Variants in ABLIM1 observed in about 807,000 individuals in gnomAD.
ABLIM1 encodes the protein actin-binding LIM protein 1.
In ABLIM1, 40 loss-of-function variants were observed where a neutral mutation model predicts 107.0. The observed-to-expected ratio is 0.37, with a 90% CI of 0.29 to 0.49. The LOEUF (loss-of-function observed/expected upper bound fraction) is 0.49, where lower values mean the gene tolerates loss of function less well. ABLIM1 is among the 20% of genes least tolerant of loss of function. ABLIM1 has a pLI of 0.97. For missense variants in ABLIM1, 857 were observed against 1,008.5 expected (o/e 0.85, Z 2.04); for synonymous variants, 357 against 357.3 (o/e 1.00, Z 0.01).
intron 9 of ABLIM1, 68 bp downstream of exon 9, chr10:114,473,811 C>A: frequency 4.1e-6 from 5 of 1,219,422 alleles, no homozygotes; most frequent in South Asian, 1.4e-5. Context: ...TTTGGATTAC[C>A]CATTCTGCTA....
chr10:114,463,205 G>A, intron 12 of ABLIM1: 1 of 1,216,948 alleles, frequency 8.2e-7, no homozygotes, highest in African/African-American at 1.6e-5. Context: ...GGTGGAAACA[G>A]AAAAGAAGAA....
rs114483906 is a variant in ABLIM1, at chr10:114,562,225, A to T, written c.673+9072T>A. Among the ~76,000 whole-genome samples, 983 of 152,126 alleles carry T rather than the reference A, an allele frequency of 6.5e-3. 14 individuals are homozygous for T. Among genetic ancestry groups the T allele is most frequent in the African/African-American group, 0.023 (940 of 41,516 alleles). On this transcript the variant is annotated intron_variant, in intron 4 of 22. Transcript: ENST00000533213. The stretch of plus-strand genomic sequence containing the variant: ...AGGAGATCCATTCCCTGACACCTCT[A>T]CCTCTTCTTAAAAACATGTTTTGGC...
At chr10:114,714,122 T>G (rs964753596) in intron 1 of ABLIM1, among the ~76,000 whole-genome samples, 5 of 152,226 alleles carry the variant, frequency 3.3e-5, no homozygotes, top group African/African-American at 9.6e-5. Context: ...GAAGTGGCCC[T>G]TCTATGTTGT....
At chr10:114,736,184 T>C (rs149929122) in intron 1 of ABLIM1, among the ~76,000 whole-genome samples, 8 of 152,294 alleles carry the variant, frequency 5.3e-5, no homozygotes, top group African/African-American at 1.9e-4. Context: ...CCAGAAGGCA[T>C]TGGTTTTGAA....
At chr10:114,463,104 G>C (rs2064294926) in intron 12 of ABLIM1, 1 of 1,331,262 alleles carries the variant, frequency 7.5e-7, no homozygotes, top group Non-Finnish European at 1.0e-6. Flanking sequence ...GTCGCTGTGG[G>C]TGGGGCTGAG....
At chr10:114,638,622 TACACACACACACACACACAC>T (rs59605861) in intron 1 of ABLIM1, among the ~76,000 whole-genome samples, 2,218 of 143,840 alleles carry the variant, frequency 0.015, 52 homozygotes, top group African/African-American at 0.054. Flanking sequence ...ATGCCCTGCC[TACACACACACACACACACAC>T]ACACACACAC....
chr10:114,736,134 T>C (rs775716106), intron 1 of ABLIM1, among the ~76,000 whole-genome samples: 59 of 152,198 alleles, frequency 3.9e-4, no homozygotes, highest in Non-Finnish European at 2.9e-4. Flanking sequence ...GTGATGTTTT[T>C]CTAGAATCAT....
intron 1 of ABLIM1, chr10:114,610,698 A>T (rs1238336105): frequency 6.6e-6 from 1 of 152,220 alleles, no homozygotes; most frequent in Non-Finnish European, 1.5e-5. Flanking sequence ...CCCAGTCATT[A>T]GTTGTCCAAA....
At chr10:114,577,170 G>A (rs531252228) in intron 2 of ABLIM1, among the ~76,000 whole-genome samples, 2 of 152,278 alleles carry the variant, frequency 1.3e-5, no homozygotes, top group East Asian at 3.9e-4. Flanking sequence ...AGGTATTTGA[G>A]GGGTGAGAGT....
chr10:114,665,593 G>A (rs1301679547), intron 1 of ABLIM1, among the ~76,000 whole-genome samples: 1 of 152,192 alleles, frequency 6.6e-6, no homozygotes, highest in Non-Finnish European at 1.5e-5. Flanking sequence ...CAGGCACAAA[G>A]CAAGCCTTTA....
At chr10:114,530,903 G>A (rs1031298191) in intron 6 of ABLIM1, among the ~76,000 whole-genome samples, 1 of 152,102 alleles carries the variant, frequency 6.6e-6, no homozygotes, top group East Asian at 1.9e-4. Flanking sequence ...TAACATTTTT[G>A]GTTAAAGGAC....
At chr10:114,801,185 G>A in the ABLIM1 span, among the ~76,000 whole-genome samples, 11 of 152,108 alleles carry the variant, frequency 7.2e-5, no homozygotes, top group East Asian at 1.7e-3. Flanking sequence ...AAGCTGAGGC[G>A]GGAGGATCAC....
At chr10:114,494,551 AAACAAC>A (rs573252074) in intron 6 of ABLIM1, among the ~76,000 whole-genome samples, 6 of 152,034 alleles carry the variant, frequency 3.9e-5, no homozygotes, top group East Asian at 1.9e-4. Flanking sequence ...AAACCAAACC[AAACAAC>A]AACAACAACA....
chr10:114,607,501 T>A (rs2076503980), intron 1 of ABLIM1, among the ~76,000 whole-genome samples: 1 of 152,150 alleles, frequency 6.6e-6, no homozygotes, highest in Non-Finnish European at 1.5e-5. Flanking sequence ...AAAAAATGAC[T>A]AACTTTACAA....
At chr10:114,746,088 T>TAAGGTG (rs2082379128) in intron 1 of ABLIM1, among the ~76,000 whole-genome samples, 2 of 152,186 alleles carry the variant, frequency 1.3e-5, no homozygotes, top group African/African-American at 4.8e-5. Context: ...ATCACCTCAA[T>TAAGGTG]ATTTAACTTG....
chr10:114,719,569 C>T (rs1185323241), intron 1 of ABLIM1, among the ~76,000 whole-genome samples: 1 of 152,228 alleles, frequency 6.6e-6, no homozygotes, highest in African/African-American at 2.4e-5. Flanking sequence ...GTCAGGCATA[C>T]ACTATACAGT....
At chr10:114,453,147 C>T (rs1232957233) in intron 13 of ABLIM1, among the ~76,000 whole-genome samples, 6 of 152,180 alleles carry the variant, frequency 3.9e-5, no homozygotes, top group Non-Finnish European at 8.8e-5. Flanking sequence ...ACTGCTTTTA[C>T]CCATCACCCA....
At chr10:114,524,305 C>CAGT (rs1289934630) in intron 6 of ABLIM1, among the ~76,000 whole-genome samples, 2 of 152,088 alleles carry the variant, frequency 1.3e-5, no homozygotes, top group African/African-American at 4.8e-5. Flanking sequence ...AGCAAACAAG[C>CAGT]AGTAGCATTA....
At chr10:114,764,586 T>A (rs1288138462) in intron 1 of ABLIM1, among the ~76,000 whole-genome samples, 1 of 151,586 alleles carries the variant, frequency 6.6e-6, no homozygotes, top group Non-Finnish European at 1.5e-5. Flanking sequence ...AAGTGATCCA[T>A]CCGCCTCAGC....
Sources: gnomAD v4.1 joint callset for allele counts (sites outside exome capture counted in the v4.1 genomes callset) on GRCh38, gnomAD v4.1.1 for gene constraint, MANE v1.5 for transcripts, NCBI Gene and HGNC (gene_info 2026-07-23, HGNC 2026-07-21) for gene names.